The following ATP9B variants were observed in gnomAD, a reference collection of about 807,000 sequenced individuals.
ATP9B encodes ATPase phospholipid transporting 9B, also known as probable phospholipid-transporting ATPase IIB.
A neutral mutation model predicts 146.1 loss-of-function variants in ATP9B; 110 were observed. That is an observed-to-expected ratio of 0.75 (90% CI 0.65 to 0.88). The LOEUF (loss-of-function observed/expected upper bound fraction) is 0.88. ATP9B is among the 40% of genes least tolerant of loss of function. The pLI is 0.00. For missense variants in ATP9B, 1,499 were observed against 1,496.4 expected, an observed-to-expected ratio of 1.00 and a Z score of -0.03; for synonymous variants, 604 against 569.7, an observed-to-expected ratio of 1.06 and a Z score of -0.86.
intron 2 of ATP9B, among the ~76,000 whole-genome samples, chr18:79,099,037 CT>C (rs1463159700): frequency 3.9e-5 from 6 of 152,064 alleles, no homozygotes; most frequent in Non-Finnish European, 8.8e-5. Context: ...GATTTCTGGT[CT>C]TCCCTTTATT....
At chr18:79,328,086 C>T (rs1159145469) in intron 15 of ATP9B, among the ~76,000 whole-genome samples, 2 of 147,444 alleles carry the variant, frequency 1.4e-5, no homozygotes, top group African/African-American at 5.1e-5. Context: ...TTAGCGTGCT[C>T]TCTGTGGTTA....
chr18:79,190,169 T>A (rs2095350281), intron 8 of ATP9B, among the ~76,000 whole-genome samples: 1 of 152,210 alleles, frequency 6.6e-6, no homozygotes, highest in Admixed American at 6.5e-5. Context: ...GCAGATGGTG[T>A]CATGACCTGT....
At chr18:79,182,300 C>T (rs549192878) in intron 8 of ATP9B, among the ~76,000 whole-genome samples, 1 of 152,304 alleles carries the variant, frequency 6.6e-6, no homozygotes, top group South Asian at 2.1e-4. Context: ...GGTTCTCCTC[C>T]GGCCGGACAT....
rs147335316 is a variant in ATP9B at position 79,078,826 on chromosome 18, G to A, written c.119+9297G>A. On this transcript the variant is annotated intron_variant, in intron 1 of 29. Coordinates refer to ENST00000426216, the MANE Select transcript of ATP9B (RefSeq NM_198531.5). ...TCCTTCACCTAGCCCCCCACACCCC[G>A]ACAGGCCCCGGTGTGTGTTGTTCCC... Among the ~76,000 whole-genome samples, 1,430 of 152,054 alleles carry A rather than the reference G, an allele frequency of 9.4e-3. 26 individuals are homozygous for A. The highest frequency in any genetic ancestry group is 0.032 in the African/African-American group (1,340 of 41,462).
At chr18:79,253,690 G>T in intron 12 of ATP9B, 149 bp downstream of exon 12, 1 of 853,162 alleles carries the variant, frequency 1.2e-6, no homozygotes, top group South Asian at 2.1e-5. Context: ...GAATTCTTCT[G>T]TGGAAATGTT....
intron 8 of ATP9B, among the ~76,000 whole-genome samples, chr18:79,192,734 C>CT (rs1257851818): frequency 6.6e-6 from 1 of 152,172 alleles, no homozygotes; most frequent in Non-Finnish European, 1.5e-5. Context: ...CCACCCTTAG[C>CT]TTATAGTGAC....
chr18:79,082,207 T>C (rs763713409), intron 1 of ATP9B, among the ~76,000 whole-genome samples: 9 of 152,238 alleles, frequency 5.9e-5, no homozygotes, highest in Admixed American at 1.3e-4. Context: ...CTATTGATAC[T>C]TGTGTATGCT....
chr18:79,081,343 C>T (rs2073239564), intron 1 of ATP9B, among the ~76,000 whole-genome samples: 1 of 151,964 alleles, frequency 6.6e-6, no homozygotes. Context: ...CTGGTTTAGT[C>T]TTGGGAGGGT....
In ATP9B at chr18:79,337,420, C is replaced by T. The variant is rs771235769; in HGVS notation, c.2254C>T (p.Leu752=). ...DQLQADVRPT[L]EMLRNAGIKI... is the part of the protein sequence containing the mutation. ...GCTGCAGGCAGACGTGCGGCCCACG[C>T]TGGAGATGCTGCGCAACGCCGGGAT... Residue 752 remains leucine (L), a synonymous_variant, in exon 19 of 30, where the codon CTG becomes TTG. Transcript: ENST00000426216. 4.3e-6 allele frequency: 7 copies of T among 1,612,802 alleles called. No individual in the cohort carries two copies. Among genetic ancestry groups the T allele is most frequent in the Non-Finnish European group, 5.9e-6 (7 of 1,179,920 alleles).
At chr18:79,082,331 C>T (rs938978438) in intron 1 of ATP9B, among the ~76,000 whole-genome samples, 1 of 152,136 alleles carries the variant, frequency 6.6e-6, no homozygotes, top group Non-Finnish European at 1.5e-5. Flanking sequence ...TCTTAGCTTC[C>T]TTGCATTGGG....
chr18:79,113,450 T>G, intron 4 of ATP9B, 96 bp downstream of exon 4: 2 of 791,674 alleles, frequency 2.5e-6, no homozygotes, highest in Non-Finnish European at 4.1e-6. Context: ...ACCAGATTTT[T>G]AAAACATGGT....
intron 4 of ATP9B, chr18:79,117,828 G>A (rs1307866373): frequency 1.3e-5 from 2 of 152,174 alleles, no homozygotes; most frequent in Admixed American, 1.3e-4. Context: ...CACATTAGCA[G>A]TAACCTATTC....
At chr18:79,232,530 G>A (rs954410589) in intron 11 of ATP9B, among the ~76,000 whole-genome samples, 2 of 152,196 alleles carry the variant, frequency 1.3e-5, no homozygotes, top group African/African-American at 4.8e-5. Context: ...CTAAAGGCTT[G>A]TTTACTTCAG....
intron 7 of ATP9B, among the ~76,000 whole-genome samples, chr18:79,161,171 A>G (rs77496743): frequency 0.069 from 10,544 of 152,272 alleles, 1,273 homozygotes; most frequent in African/African-American, 0.24. Flanking sequence ...ATATTAGAAC[A>G]TGACTCAAAT....
intron 21 of ATP9B, 32 bp downstream of exon 21, chr18:79,344,386 G>C: frequency 6.2e-7 from 1 of 1,601,664 alleles, no homozygotes; most frequent in Non-Finnish European, 8.6e-7. Flanking sequence ...GTACATGTCT[G>C]TCTGTGTCTC....
At position 79,292,362 on chromosome 18, in the gene ATP9B, C is replaced by T. The variant is rs75155343; in HGVS notation, c.1412-11242C>T. The stretch of plus-strand genomic sequence containing the variant: ...AAAGGGGTTTGGTAAGATTGTAGGA[C>T]GCAAGATCAACACACAAGAATGAAA... On this transcript the variant is annotated intron_variant, in intron 13 of 29. Coordinates refer to ENST00000426216, the MANE Select transcript of ATP9B (RefSeq NM_198531.5). Among the ~76,000 whole-genome samples the T allele has an allele frequency of 8.7e-4, 132 of 151,880 alleles. 1 individual carries two copies. In the East Asian group the frequency reaches 0.022, roughly 25 times the overall value.
At chr18:79,238,947 A>G (rs1490286907) in intron 11 of ATP9B, among the ~76,000 whole-genome samples, 2 of 152,228 alleles carry the variant, frequency 1.3e-5, no homozygotes, top group Non-Finnish European at 2.9e-5. Flanking sequence ...CAAAGGAGAA[A>G]TAGGTATATT....
chr18:79,363,228 A>G (rs2097000984), intron 26 of ATP9B: 1 of 152,266 alleles, frequency 6.6e-6, no homozygotes, highest in South Asian at 2.1e-4. Context: ...AAAAATTTGT[A>G]AACATTTATA....
At chr18:79,145,332 G>C in intron 6 of ATP9B, 1 of 145,838 alleles carries the variant, frequency 6.9e-6, no homozygotes. Context: ...GCGGTGTGCA[G>C]AGTGACTGAA....
Sources: gnomAD v4.1 joint callset for allele counts (sites outside exome capture counted in the v4.1 genomes callset) on GRCh38, gnomAD v4.1.1 for gene constraint, MANE v1.5 for transcripts, NCBI Gene and HGNC (gene_info 2026-07-23, HGNC 2026-07-21) for gene names.